ASB15: variants seen among roughly 807,000 people sequenced by gnomAD.
ASB15 encodes ankyrin repeat and SOCS box protein 15.
A neutral mutation model predicts 58.0 loss-of-function variants in ASB15; 54 were observed. That is an observed-to-expected ratio of 0.93 (90% CI 0.75 to 1.17). The LOEUF is 1.17. Ranked by LOEUF, ASB15 falls within the 50% of genes most tolerant of loss-of-function variation. The pLI is 0.00. For synonymous variants in ASB15, 249 were observed against 262.4 expected (o/e 0.95, Z 0.50); for missense variants, 680 against 707.4 (o/e 0.96, Z 0.44).
chr7:123,594,339 T>A (rs998229514), intron 1 of ASB15, among the ~76,000 whole-genome samples: 11 of 152,186 alleles, frequency 7.2e-5, no homozygotes, highest in African/African-American at 2.4e-4. Context: ...GGAGTTGTGT[T>A]CCTTTGGAGG....
At chr7:123,621,360 C>A (rs988939638) in intron 7 of ASB15, 6 of 152,172 alleles carry the variant, frequency 3.9e-5, no homozygotes, top group African/African-American at 1.4e-4. Context: ...TCATCAGCCA[C>A]ACATCTGGGG....
intron 2 of ASB15, among the ~76,000 whole-genome samples, chr7:123,606,395 T>A (rs1406443531): frequency 2.0e-5 from 3 of 152,178 alleles, no homozygotes; most frequent in Admixed American, 2.0e-4. Flanking sequence ...TCCTAAGAGG[T>A]AGATGCTAAG....
chr7:123,574,357 G>A (rs1274751964), intron 1 of ASB15, among the ~76,000 whole-genome samples: 3 of 152,026 alleles, frequency 2.0e-5, no homozygotes, highest in African/African-American at 4.8e-5. Context: ...AGTATATGTC[G>A]GAATCACCTG....
chr7:123,589,359 T>C (rs912544127), intron 1 of ASB15, among the ~76,000 whole-genome samples: 1 of 151,258 alleles, frequency 6.6e-6, no homozygotes, highest in Non-Finnish European at 1.5e-5. Context: ...CAAGGGTACA[T>C]ATGCACAATG....
chr7:123,586,900 T>C (rs774608830), intron 1 of ASB15, among the ~76,000 whole-genome samples: 4 of 151,712 alleles, frequency 2.6e-5, no homozygotes, highest in African/African-American at 4.8e-5. Flanking sequence ...TCTCTTTTGA[T>C]GTGTCTGTTT....
chr7:123,628,346 C>A (rs1801927838), intron 9 of ASB15, among the ~76,000 whole-genome samples: 1 of 152,194 alleles, frequency 6.6e-6, no homozygotes, highest in African/African-American at 2.4e-5. Flanking sequence ...TGCTCTGCGT[C>A]TAACTGTGTG....
At chr7:123,636,616 T>C (rs1802440971) in intron 11 of ASB15, among the ~76,000 whole-genome samples, 193 bp from the exon 12 acceptor site, 1 of 152,206 alleles carries the variant, frequency 6.6e-6, no homozygotes, top group Non-Finnish European at 1.5e-5. Context: ...TCTGCCCCCA[T>C]GGAGCTTACA....
intron 6 of ASB15, 147 bp from the exon 7 acceptor site, chr7:123,617,432 C>G (rs1800894231): frequency 1.4e-6 from 1 of 724,074 alleles, no homozygotes; most frequent in Non-Finnish European, 2.1e-6. Flanking sequence ...TCCTCACCGT[C>G]ATTTGGTAAA....
At chr7:123,576,545 G>A (rs1799070297) in intron 1 of ASB15, among the ~76,000 whole-genome samples, 1 of 152,068 alleles carries the variant, frequency 6.6e-6, no homozygotes, top group South Asian at 2.1e-4. Context: ...GGCCAACTAT[G>A]TCTAAGTGAT....
chr7:123,577,701 T>A (rs868617143), intron 1 of ASB15, among the ~76,000 whole-genome samples: 1 of 152,098 alleles, frequency 6.6e-6, no homozygotes, highest in Admixed American at 6.6e-5. Context: ...AATCCGTTAT[T>A]AGATTTTCTT....
At position 123,639,167 on chromosome 7, in the gene ASB15, G is replaced by A. The variant is rs933452088; in HGVS notation, c.*2186G>A. 2 of 151,444 alleles carry A rather than the reference G, an allele frequency of 1.3e-5. No homozygotes were observed. Among genetic ancestry groups the A allele is most frequent in the East Asian group, 1.9e-4 (1 of 5,190 alleles). 9.4% of individuals were successfully genotyped at this position (151,444 alleles called of 1,614,324 possible). On this transcript the variant is annotated 3_prime_UTR_variant, in exon 12 of 12. Coordinates refer to ENST00000451215, the MANE Select transcript of ASB15 (RefSeq NM_001290258.2). ...TTAAACAGTAATATCTCACTGGTCTGTAAAGTTTTCAAGTTGTATTTAGCT... is the reference window on the plus strand; with the variant it reads ...TTAAACAGTAATATCTCACTGGTCTATAAAGTTTTCAAGTTGTATTTAGCT...
chr7:123,591,224 A>G (rs1443560826), intron 1 of ASB15, among the ~76,000 whole-genome samples: 3 of 152,220 alleles, frequency 2.0e-5, no homozygotes, highest in Non-Finnish European at 4.4e-5. Flanking sequence ...TTTTCTAAAT[A>G]TAAAATCATG....
upstream of ASB15, among the ~76,000 whole-genome samples, chr7:123,598,117 A>G (rs897767413): frequency 6.6e-6 from 1 of 151,956 alleles, no homozygotes; most frequent in Non-Finnish European, 1.5e-5. Flanking sequence ...CATATACTAA[A>G]ATGTGTGTCT....
intron 1 of ASB15, among the ~76,000 whole-genome samples, chr7:123,576,305 C>A (rs1006380603): frequency 2.0e-5 from 3 of 151,404 alleles, no homozygotes; most frequent in African/African-American, 7.3e-5. Flanking sequence ...TGCATTTGTA[C>A]TTTTTACTCT....
intron 1 of ASB15, among the ~76,000 whole-genome samples, chr7:123,590,398 C>T (rs59246319): frequency 0.29 from 44,752 of 151,986 alleles, 6,731 homozygotes; most frequent in East Asian, 0.4. Flanking sequence ...TCTTTGCTCA[C>T]GCCTATGTGC....
chr7:123,602,246 T>C (rs1307148493), intron 1 of ASB15, among the ~76,000 whole-genome samples: 3 of 152,120 alleles, frequency 2.0e-5, no homozygotes, highest in Non-Finnish European at 4.4e-5. Context: ...CACCTCTTGG[T>C]TTCTAATAAA....
intron 7 of ASB15, among the ~76,000 whole-genome samples, chr7:123,623,899 AATGGAAGGAAGGAAGGAAG>A (rs1234632808): frequency 0.091 from 7,399 of 81,242 alleles, 656 homozygotes; most frequent in East Asian, 0.11. Flanking sequence ...AGAAAGAAAG[AATGGAAGGAAGGAAGGAAG>A]GAAGAAAGAA....
At chr7:123,596,676 G>T (rs1276823565) in intron 1 of ASB15, among the ~76,000 whole-genome samples, 1 of 152,050 alleles carries the variant, frequency 6.6e-6, no homozygotes, top group Non-Finnish European at 1.5e-5. Context: ...TGAATTTATT[G>T]TGCTAAGTTT....
intron 1 of ASB15, among the ~76,000 whole-genome samples, chr7:123,573,824 G>C (rs1172231976): frequency 1.3e-5 from 2 of 151,860 alleles, no homozygotes; most frequent in South Asian, 2.1e-4. Context: ...GTATGTTCCA[G>C]TTTTATTTCT....
Sources: gnomAD v4.1 joint callset for allele counts (sites outside exome capture counted in the v4.1 genomes callset) on GRCh38, gnomAD v4.1.1 for gene constraint, MANE v1.5 for transcripts, NCBI Gene and HGNC (gene_info 2026-07-23, HGNC 2026-07-21) for gene names.